The following RNF157 variants were observed in gnomAD, a reference collection of about 807,000 sequenced individuals.
RNF157 encodes the protein ring finger protein 157, also known as E3 ubiquitin ligase RNF157.
Under a neutral mutation model 88.3 loss-of-function variants are expected in RNF157, and 55 were observed. The observed-to-expected ratio is 0.62, with a 90% CI of 0.50 to 0.78. The LOEUF is 0.78. Ranked by LOEUF, RNF157 falls within the 30% of genes least tolerant of loss-of-function variation. The pLI is 0.00. For missense variants in RNF157, 788 were observed against 860.8 expected (o/e 0.92, Z 1.06); for synonymous variants, 334 against 341.2 (o/e 0.98, Z 0.23).
At chr17:76,216,214 G>GT (rs968622092) in intron 1 of RNF157, among the ~76,000 whole-genome samples, 26 of 152,284 alleles carry the variant, frequency 1.7e-4, no homozygotes, top group African/African-American at 6.3e-4. Flanking sequence ...GGACCACTGA[G>GT]TTTCCAGTAC....
chr17:76,166,360 A>C, intron 6 of RNF157, 101 bp downstream of exon 6: 4 of 933,860 alleles, frequency 4.3e-6, no homozygotes, highest in Non-Finnish European at 7.0e-6. Context: ...AGTCACAAAC[A>C]CCCACAAAGA....
At chr17:76,212,122 T>G (rs1040008974) in intron 2 of RNF157, 5 of 336,572 alleles carry the variant, frequency 1.5e-5, no homozygotes, top group Non-Finnish European at 2.7e-5. Context: ...CAGGGAGAGA[T>G]CTGTCCTAGC....
intron 1 of RNF157, among the ~76,000 whole-genome samples, chr17:76,238,409 A>C (rs947147455): frequency 8.4e-6 from 1 of 118,398 alleles, no homozygotes. Flanking sequence ...TTTACAGTTA[A>C]ACTTTTAAAA....
chr17:76,158,444 G>A lies in RNF157; in HGVS notation c.1362C>T (p.Ser454=), dbSNP rs28672851. The change falls in exon 13 of 19, where the codon AGC becomes AGT. Residue 454 remains serine (S), a synonymous_variant. Transcript: ENST00000269391. ...TCTGAGAGAGCTGTGTCTCCGACTC[G>A]CTGCAGGAATGCTCATCTTCCTCTT... is the stretch of plus-strand genomic sequence containing the variant. ...LHEEEDEHSC[S]ESETQLSQRP... The A allele has an allele frequency of 4.9e-4, 796 of 1,613,852 alleles. 5 individuals are homozygous for A. In the Middle Eastern group the frequency reaches 5.0e-3, roughly 10 times the overall value.
At chr17:76,206,212 C>A (rs1189647966) in intron 2 of RNF157, among the ~76,000 whole-genome samples, 3 of 151,916 alleles carry the variant, frequency 2.0e-5, no homozygotes, top group African/African-American at 7.3e-5. Context: ...GCTTGGGCAA[C>A]AGGGCAAGAC....
rs984417606 is a variant in RNF157, at chr17:76,167,072, T to C, written c.498A>G (p.Gly166=). Residue 166 remains glycine, a synonymous_variant, in exon 5 of 19, where the codon GGA becomes GGG. Transcript: ENST00000269391. ...LQSETVQYKR[G]VCQQFCLPSH... ...AGGGCAGGCAGAACTGCTGACACACTCCTCGCTTGTACTGCACAGTCTCCG... is the reference window on the plus strand; with the variant it reads ...AGGGCAGGCAGAACTGCTGACACACCCCTCGCTTGTACTGCACAGTCTCCG... 3.0e-5 allele frequency: 49 copies of C among 1,613,272 alleles called. No individual in the cohort carries two copies. Among genetic ancestry groups the C allele is most frequent in the Non-Finnish European group, 4.2e-5 (49 of 1,179,948 alleles).
At chr17:76,152,167 T>C (rs1424440954) in intron 18 of RNF157, among the ~76,000 whole-genome samples, 188 bp downstream of exon 18, 29 of 152,172 alleles carry the variant, frequency 1.9e-4, no homozygotes, top group African/African-American at 2.4e-5. Flanking sequence ...GGCTGGCTCA[T>C]TGCAAAAAGC....
At chr17:76,156,890 G>A (rs1012611874) in intron 13 of RNF157, among the ~76,000 whole-genome samples, 2 of 151,990 alleles carry the variant, frequency 1.3e-5, no homozygotes, top group African/African-American at 4.8e-5. Context: ...TCTACGAACT[G>A]TATCTCCATA....
intron 1 of RNF157, among the ~76,000 whole-genome samples, chr17:76,232,876 T>G (rs1598450768): frequency 6.6e-6 from 1 of 152,326 alleles, no homozygotes; most frequent in African/African-American, 2.4e-5. Context: ...CATGTGTTCA[T>G]CAGCCATTCC....
intron 1 of RNF157, 50 bp from the exon 2 acceptor site, chr17:76,212,532 T>A: frequency 8.8e-7 from 1 of 1,141,772 alleles, no homozygotes; most frequent in South Asian, 1.3e-5. Flanking sequence ...ACAGTCAACC[T>A]AAATCTAGTA....
rs564910389 is a variant in RNF157, at chr17:76,202,361, T to C, written c.207+10003A>G. ...CTCACAGAGGCTGTTCCTTGGAGTGTCCTTTGCCTCAACTCACACTGCTGC... is the reference window on the plus strand; with the variant it reads ...CTCACAGAGGCTGTTCCTTGGAGTGCCCTTTGCCTCAACTCACACTGCTGC... On this transcript the variant is annotated intron_variant, in intron 2 of 18. Coordinates refer to ENST00000269391, the MANE Select transcript of RNF157 (RefSeq NM_052916.3). Among the ~76,000 whole-genome samples, 10 of 152,302 alleles carry C rather than the reference T, an allele frequency of 6.6e-5. 1 individual carries two copies. The South Asian group carries it at 2.1e-3, about 32-fold the overall frequency.
chr17:76,182,820 C>CGAGAGAGA (rs2069217588), intron 2 of RNF157, among the ~76,000 whole-genome samples: 1 of 101,200 alleles, frequency 9.9e-6, no homozygotes, highest in South Asian at 3.1e-4. Context: ...GATATATATC[C>CGAGAGAGA]TATATATCCT....
intron 2 of RNF157, among the ~76,000 whole-genome samples, chr17:76,182,263 C>G (rs995077288): frequency 1.3e-5 from 2 of 152,194 alleles, no homozygotes; most frequent in Admixed American, 1.3e-4. Flanking sequence ...CTGACGAAGG[C>G]TCTGTGTGTT....
chr17:76,164,613 A>T, intron 8 of RNF157, 135 bp downstream of exon 8: 2 of 338,772 alleles, frequency 5.9e-6, no homozygotes, highest in Non-Finnish European at 1.0e-5. Context: ...TCTTTGATTA[A>T]AAAAAAAAAA....
At chr17:76,185,993 C>A (rs1391604534) in intron 2 of RNF157, among the ~76,000 whole-genome samples, 1 of 152,028 alleles carries the variant, frequency 6.6e-6, no homozygotes, top group Admixed American at 6.6e-5. Context: ...ATATATATTT[C>A]TTCCTAAGCA....
At chr17:76,216,471 G>A (rs1158466243) in intron 1 of RNF157, among the ~76,000 whole-genome samples, 1 of 152,168 alleles carries the variant, frequency 6.6e-6, no homozygotes, top group African/African-American at 2.4e-5. Flanking sequence ...AATAGTCTGG[G>A]TGTGGTGGCT....
At chr17:76,224,190 T>C (rs2070037667) in intron 1 of RNF157, among the ~76,000 whole-genome samples, 1 of 152,198 alleles carries the variant, frequency 6.6e-6, no homozygotes, top group Non-Finnish European at 1.5e-5. Context: ...AAAATCTCAT[T>C]TAAAATTCAT....
At chr17:76,174,369 G>A (rs1005955353) in intron 2 of RNF157, among the ~76,000 whole-genome samples, 13 of 152,146 alleles carry the variant, frequency 8.5e-5, no homozygotes, top group African/African-American at 3.1e-4. Flanking sequence ...GTCACCAAAG[G>A]TTTATGGTTG....
At position 76,152,451 on chromosome 17, in the gene RNF157, C is replaced by A; in HGVS notation, c.1825G>T (p.Ala609Ser). 6.2e-7 allele frequency: 1 copy of A among 1,611,812 alleles called. No individual in the cohort carries two copies. Among genetic ancestry groups the A allele is most frequent in the Non-Finnish European group, 8.5e-7 (1 of 1,177,856 alleles). Residue 609 changes from alanine to serine, a missense_variant, in exon 18 of 19, where the codon GCA becomes TCA. Coordinates refer to ENST00000269391, the MANE Select transcript of RNF157 (RefSeq NM_052916.3). ...TTGTCACACTCCATACCTAGAAATG[C>A]GCACGTCCTCTGGCCTGTAACGGAG... is the stretch of plus-strand genomic sequence containing the variant. ...SPTQEGQRTC[A>S]FLGMECDNNN...
Sources: allele counts gnomAD v4.1 joint callset (sites outside exome capture counted in the v4.1 genomes callset), GRCh38; gene constraint gnomAD v4.1.1; transcripts MANE v1.5; gene names NCBI Gene and HGNC (gene_info 2026-07-23, HGNC 2026-07-21).